NALCN: variants seen among roughly 807,000 people sequenced by gnomAD.
NALCN encodes the protein sodium leak channel NALCN.
Under a neutral mutation model 225.3 loss-of-function variants are expected in NALCN, and 111 were observed. That is an observed-to-expected ratio of 0.49 (90% confidence interval 0.42 to 0.58). NALCN has a LOEUF of 0.58. Ranked by LOEUF, NALCN falls within the 20% of genes least tolerant of loss-of-function variation. The probability of loss-of-function intolerance (pLI) is 0.00; values close to 1 mark genes in which losing one functional copy is unlikely to be tolerated. For synonymous variants in NALCN, 764 were observed against 769.0 expected, an observed-to-expected ratio of 0.99 and a Z score of 0.11; for missense variants, 1,378 against 2,202.4, an observed-to-expected ratio of 0.63 and a Z score of 7.49.
At chr13:101,094,094 T>C (rs536713059) in intron 28 of NALCN, among the ~76,000 whole-genome samples, 32 of 152,260 alleles carry the variant, frequency 2.1e-4, no homozygotes, top group South Asian at 4.1e-4. Flanking sequence ...AGTCTTTGGG[T>C]GATTCTCAAG....
chr13:101,061,528 T>C lies in NALCN; in HGVS notation c.4755+440A>G, dbSNP rs559126574. Among the ~76,000 whole-genome samples, 33 of 152,196 alleles carry C rather than the reference T, an allele frequency of 2.2e-4. No individual in the cohort carries two copies. In the South Asian group the frequency reaches 6.6e-3, roughly 31 times the overall value. ...TCCTGAGTAGCTGGGACTACAGGCA[T>C]GTGTGCCACGCCTGGTTAATTTTTG... is the stretch of plus-strand genomic sequence containing the variant. On this transcript the variant is annotated intron_variant, in intron 41 of 43. Coordinates refer to ENST00000251127, the MANE Select transcript of NALCN (RefSeq NM_052867.4).
At chr13:101,082,630 T>C (rs1291857716) in intron 33 of NALCN, among the ~76,000 whole-genome samples, 179 bp downstream of exon 33, 2 of 152,288 alleles carry the variant, frequency 1.3e-5, no homozygotes, top group East Asian at 3.9e-4. Flanking sequence ...AAAAATCTGA[T>C]GGATAAAGTG....
At chr13:101,110,313 A>G (rs1038716869) in intron 20 of NALCN, among the ~76,000 whole-genome samples, 2 of 152,230 alleles carry the variant, frequency 1.3e-5, no homozygotes, top group African/African-American at 4.8e-5. Context: ...ATGCAAATCA[A>G]TCCTATATAC....
intron 7 of NALCN, among the ~76,000 whole-genome samples, chr13:101,316,883 T>A (rs2044572461): frequency 6.6e-6 from 1 of 152,196 alleles, no homozygotes. Context: ...TAGGTGCAGA[T>A]AATTAAGTAC....
chr13:101,247,636 AT>A (rs978822147), intron 11 of NALCN, among the ~76,000 whole-genome samples: 17 of 152,122 alleles, frequency 1.1e-4, no homozygotes, highest in Admixed American at 2.0e-4. Flanking sequence ...TCATTATTTT[AT>A]TTTTTTAAAT....
At chr13:101,150,667 C>A (rs1007734327) in intron 15 of NALCN, among the ~76,000 whole-genome samples, 6 of 152,136 alleles carry the variant, frequency 3.9e-5, no homozygotes, top group African/African-American at 1.4e-4. Context: ...TATCCAAATT[C>A]TTTCCCCTTT....
At chr13:101,343,386 T>TA (rs1280100996) in intron 7 of NALCN, among the ~76,000 whole-genome samples, 1 of 152,170 alleles carries the variant, frequency 6.6e-6, no homozygotes, top group Non-Finnish European at 1.5e-5. Flanking sequence ...TCATGAGGAA[T>TA]AATGAATATT....
intron 26 of NALCN, among the ~76,000 whole-genome samples, chr13:101,101,899 T>G (rs2034842173): frequency 6.6e-6 from 1 of 152,170 alleles, no homozygotes. Context: ...TAAAATTTAT[T>G]ATTGATCAAA....
intron 12 of NALCN, among the ~76,000 whole-genome samples, 159 bp downstream of exon 12, chr13:101,237,596 G>C (rs2041608475): frequency 6.6e-6 from 1 of 151,410 alleles, no homozygotes; most frequent in Admixed American, 6.6e-5. Context: ...TTTCTAATTT[G>C]TAAGATGTCA....
intron 28 of NALCN, among the ~76,000 whole-genome samples, chr13:101,093,184 CTCA>C (rs1334201456): frequency 1.3e-5 from 2 of 152,122 alleles, no homozygotes; most frequent in African/African-American, 4.8e-5. Context: ...ACTGAGGTGA[CTCA>C]TCAAGTCTGA....
chr13:101,158,077 T>G (rs1013535307), intron 15 of NALCN, among the ~76,000 whole-genome samples: 2 of 152,072 alleles, frequency 1.3e-5, no homozygotes, highest in African/African-American at 4.8e-5. Flanking sequence ...TCTTCTTCTT[T>G]TGGGTGTAGC....
chr13:101,116,564 A>T (rs762401645), intron 18 of NALCN: 1 of 515,746 alleles, frequency 1.9e-6, no homozygotes, highest in Admixed American at 2.0e-5. Context: ...AATGTCCCAG[A>T]ACAAGGGTGT....
rs180995483 is a variant in NALCN at position 101,181,833 on chromosome 13, T to C, written c.1765-5459A>G. ...TAAGTGCAGTTTGACAAAATGTTATTAGATATATAATGTTTTCTAGCCGGG... is the reference window on the plus strand; with the variant it reads ...TAAGTGCAGTTTGACAAAATGTTATCAGATATATAATGTTTTCTAGCCGGG... On this transcript the variant is annotated intron_variant, in intron 14 of 43. Transcript: ENST00000251127. Among the ~76,000 whole-genome samples the C allele has an allele frequency of 2.6e-5, 4 of 152,196 alleles. 1 individual carries two copies. Among genetic ancestry groups the C allele is most frequent in the African/African-American group, 9.6e-5 (4 of 41,522 alleles).
chr13:101,170,258 G>T (rs1438487448), intron 15 of NALCN, among the ~76,000 whole-genome samples: 1 of 152,144 alleles, frequency 6.6e-6, no homozygotes, highest in African/African-American at 2.4e-5. Flanking sequence ...CATTTTGAAG[G>T]CCTAAGAACC....
intron 13 of NALCN, among the ~76,000 whole-genome samples, chr13:101,199,553 A>AAAACCAAACAC (rs1253299534): frequency 6.7e-6 from 1 of 150,208 alleles, no homozygotes; most frequent in African/African-American, 2.4e-5. Flanking sequence ...GCAAGGACAA[A>AAAACCAAACAC]AAACCAAACA....
intron 27 of NALCN, among the ~76,000 whole-genome samples, chr13:101,097,179 T>A (rs908312302): frequency 1.3e-5 from 2 of 152,244 alleles, no homozygotes; most frequent in East Asian, 3.8e-4. Flanking sequence ...ACATCTTTAA[T>A]TTATAAAGCC....
intron 7 of NALCN, among the ~76,000 whole-genome samples, chr13:101,319,006 T>C (rs565475160): frequency 6.6e-6 from 1 of 152,288 alleles, no homozygotes; most frequent in Admixed American, 6.5e-5. Flanking sequence ...TGGATGTTGT[T>C]ATGAGTTGAA....
chr13:101,291,345 A>T (rs1325264250), intron 9 of NALCN, among the ~76,000 whole-genome samples: 1 of 152,200 alleles, frequency 6.6e-6, no homozygotes, highest in Non-Finnish European at 1.5e-5. Context: ...AAGAAATTCC[A>T]TAGTGGTTGC....
intron 15 of NALCN, among the ~76,000 whole-genome samples, chr13:101,172,902 T>G (rs1046297498): frequency 6.6e-6 from 1 of 150,604 alleles, no homozygotes; most frequent in African/African-American, 2.4e-5. Context: ...GCCCTGGTTT[T>G]TATTACTCTT....
Sources: allele counts gnomAD v4.1 joint callset (sites outside exome capture counted in the v4.1 genomes callset), GRCh38; gene constraint gnomAD v4.1.1; transcripts MANE v1.5; gene names NCBI Gene and HGNC (gene_info 2026-07-23, HGNC 2026-07-21).